SASH1: variants seen among roughly 807,000 people sequenced by gnomAD.
SASH1 encodes SAM and SH3 domain-containing protein 1.
In SASH1, 44 loss-of-function variants were observed where a neutral mutation model predicts 125.2. The ratio of observed to expected loss-of-function variants is 0.35; its 90% CI spans 0.28 to 0.45. SASH1 has a LOEUF of 0.45. Ranked by LOEUF, SASH1 falls within the 20% of genes least tolerant of loss-of-function variation. SASH1 has a pLI of 1.00. For missense variants in SASH1, 1,426 were observed against 1,614.5 expected (o/e 0.88, Z 2.00); for synonymous variants, 639 against 649.1 (o/e 0.98, Z 0.24).
At chr6:148,244,160 A>G in the SASH1 span, among the ~76,000 whole-genome samples, 2 of 152,188 alleles carry the variant, frequency 1.3e-5, no homozygotes, top group Non-Finnish European at 2.9e-5. Context: ...GCACTTGACC[A>G]TCTTCCCCCT....
At chr6:148,264,140 G>A in the SASH1 span, among the ~76,000 whole-genome samples, 5 of 143,842 alleles carry the variant, frequency 3.5e-5, no homozygotes, top group South Asian at 2.2e-4. Flanking sequence ...TTTCAATGAC[G>A]TGATTTGAAA....
intron 4 of SASH1, among the ~76,000 whole-genome samples, chr6:148,456,915 G>C (rs1777384174): frequency 8.9e-6 from 1 of 111,994 alleles, no homozygotes; most frequent in Non-Finnish European, 2.1e-5. Flanking sequence ...TGTAAACAAA[G>C]GTACTTTCTT....
chr6:148,388,159 C>G (rs1239850376), intron 1 of SASH1, among the ~76,000 whole-genome samples: 3 of 152,002 alleles, frequency 2.0e-5, no homozygotes, highest in Non-Finnish European at 2.9e-5. Flanking sequence ...AGGTGATCCG[C>G]CCACCTCAGC....
intron 1 of SASH1, among the ~76,000 whole-genome samples, chr6:148,314,998 T>C (rs1780443779): frequency 6.6e-6 from 1 of 152,154 alleles, no homozygotes. Context: ...TCTCAGGTGA[T>C]CCGCCCAACT....
chr6:148,446,270 A>G (rs772818187), intron 4 of SASH1, among the ~76,000 whole-genome samples: 97 of 151,610 alleles, frequency 6.4e-4, no homozygotes, highest in African/African-American at 1.9e-3. Flanking sequence ...CATCATGCCC[A>G]GCTAATTTTT....
chr6:148,542,884 G>A lies in SASH1; in HGVS notation c.2210-796G>A, dbSNP rs566481476. Among the ~76,000 whole-genome samples, 539 of 152,024 alleles carry A rather than the reference G, an allele frequency of 3.5e-3. 3 individuals carry two copies. Among genetic ancestry groups the A allele is most frequent in the African/African-American group, 0.012 (501 of 41,452 alleles). On this transcript the variant is annotated intron_variant, in intron 17 of 19. Coordinates refer to ENST00000367467, the MANE Select transcript of SASH1 (RefSeq NM_015278.5). ...TGTGTGTGTGTGTGTGTGTGTGCGC[G>A]CGCACATGTAAGTACTGATGAGAAC...
intron 1 of SASH1, among the ~76,000 whole-genome samples, chr6:148,367,709 G>A (rs539133305): frequency 1.2e-4 from 19 of 152,378 alleles, no homozygotes; most frequent in African/African-American, 3.8e-4. Flanking sequence ...CCAGGTTGGG[G>A]TGATGGAGTT....
At chr6:148,470,003 G>A (rs1474840004) in intron 5 of SASH1, among the ~76,000 whole-genome samples, 2 of 150,024 alleles carry the variant, frequency 1.3e-5, no homozygotes, top group African/African-American at 4.9e-5. Flanking sequence ...TCCAGCCTGG[G>A]CGACAGAGCA....
At chr6:148,405,183 G>A (rs1203842529) in intron 2 of SASH1, among the ~76,000 whole-genome samples, 1 of 151,840 alleles carries the variant, frequency 6.6e-6, no homozygotes, top group African/African-American at 2.4e-5. Context: ...CCTTTCTTAG[G>A]CCTGTCTCCT....
the SASH1 span, among the ~76,000 whole-genome samples, chr6:148,227,348 T>A: frequency 6.7e-6 from 1 of 148,982 alleles, no homozygotes; most frequent in Non-Finnish European, 1.5e-5. Flanking sequence ...CACTCAGGAA[T>A]TTGTTTGTTT....
chr6:148,387,149 C>T lies in SASH1; in HGVS notation c.157-2985C>T, dbSNP rs140356715. ...TTTTTTTTTTTGAGGTGTAATTTTG[C>T]TCTCGTTGCCCAGGCTAGAGTGCAG... On this transcript the variant is annotated intron_variant, in intron 1 of 19. Transcript: ENST00000367467. Among the ~76,000 whole-genome samples, 1,114 of 112,096 alleles carry T rather than the reference C, an allele frequency of 9.9e-3. 17 individuals carry two copies. The highest frequency in any genetic ancestry group is 0.031 in the African/African-American group (917 of 29,350). The allele number at this position is 112,096 out of a possible 152,430, so 73.5% of individuals were successfully genotyped here.
chr6:148,402,102 G>A (rs981395149), intron 2 of SASH1, among the ~76,000 whole-genome samples: 4 of 152,234 alleles, frequency 2.6e-5, no homozygotes, highest in Non-Finnish European at 5.9e-5. Flanking sequence ...TATTTTTGAT[G>A]AATCTTTTCA....
intron 1 of SASH1, among the ~76,000 whole-genome samples, chr6:148,305,058 A>G (rs530812735): frequency 9.2e-5 from 14 of 152,192 alleles, no homozygotes; most frequent in Non-Finnish European, 2.1e-4. Context: ...AATAACTTCT[A>G]CAGTCTATAC....
intron 1 of SASH1, among the ~76,000 whole-genome samples, chr6:148,369,426 T>C (rs1782621701): frequency 6.6e-6 from 1 of 152,210 alleles, no homozygotes; most frequent in Non-Finnish European, 1.5e-5. Context: ...TCTATTAAAA[T>C]GATAAGCAAC....
At chr6:148,387,437 CTTCTCTTCTCTTCCCTTTTCTTCTCTT>C (rs1783419899) in intron 1 of SASH1, among the ~76,000 whole-genome samples, 1 of 151,260 alleles carries the variant, frequency 6.6e-6, no homozygotes, top group Non-Finnish European at 1.5e-5. Flanking sequence ...TTCCTTTTTT[CTTCTCTTCTCTTCCCTTTTCTTCTCTT>C]TTCTCTTCTC....
chr6:148,517,126 C>T (rs999599829), intron 9 of SASH1, among the ~76,000 whole-genome samples: 5 of 152,160 alleles, frequency 3.3e-5, no homozygotes, highest in East Asian at 1.9e-4. Flanking sequence ...AGCACTTTCA[C>T]GTAACTCTTT....
chr6:148,214,282 C>A, the SASH1 span, among the ~76,000 whole-genome samples: 1 of 152,152 alleles, frequency 6.6e-6, no homozygotes, highest in African/African-American at 2.4e-5. Flanking sequence ...CATGTTCGTA[C>A]AAAATGCTTA....
intron 1 of SASH1, among the ~76,000 whole-genome samples, chr6:148,388,654 C>T (rs1783577879): frequency 6.6e-6 from 1 of 152,190 alleles, no homozygotes; most frequent in African/African-American, 2.4e-5. Flanking sequence ...TCAGTGAATG[C>T]AGAAGTAGGG....
the SASH1 span, among the ~76,000 whole-genome samples, chr6:148,244,427 T>C: frequency 4.6e-5 from 7 of 152,194 alleles, no homozygotes; most frequent in Non-Finnish European, 8.8e-5. Context: ...GAATACTACA[T>C]GCACATATTG....
Sources: allele counts gnomAD v4.1 joint callset (sites outside exome capture counted in the v4.1 genomes callset), GRCh38; gene constraint gnomAD v4.1.1; transcripts MANE v1.5; gene names NCBI Gene and HGNC (gene_info 2026-07-23, HGNC 2026-07-21).